C9orf40: variants seen among roughly 807,000 people sequenced by gnomAD.
The protein encoded by C9orf40 is uncharacterized protein C9orf40.
A neutral mutation model predicts 7.9 loss-of-function variants in C9orf40; 2 were observed. The observed-to-expected ratio is 0.25, with a 90% CI of 0.10 to 0.80. C9orf40 has a LOEUF of 0.80. C9orf40 is among the 30% of genes least tolerant of loss of function. The probability of loss-of-function intolerance (pLI) is 0.68; values close to 1 mark genes in which losing one functional copy is unlikely to be tolerated. For synonymous variants in C9orf40, 113 were observed against 117.6 expected, an observed-to-expected ratio of 0.96 and a Z score of 0.25; for missense variants, 256 against 268.5, an observed-to-expected ratio of 0.95 and a Z score of 0.33.
chr9:74,951,588 G>T (rs942940022), intron 1 of C9orf40, among the ~76,000 whole-genome samples: 2 of 152,124 alleles, frequency 1.3e-5, no homozygotes, highest in Admixed American at 6.5e-5. Flanking sequence ...ACCACGCCCC[G>T]CCCCCAAATT....
At chr9:74,951,797 C>T (rs1331623899) in intron 1 of C9orf40, among the ~76,000 whole-genome samples, 1 of 152,214 alleles carries the variant, frequency 6.6e-6, no homozygotes, top group Non-Finnish European at 1.5e-5. Flanking sequence ...CATCGTTAAA[C>T]CCAGGAAGGC....
chr9:74,949,675 C>T (rs1832276965), intron 1 of C9orf40, among the ~76,000 whole-genome samples: 2 of 152,180 alleles, frequency 1.3e-5, no homozygotes, highest in African/African-American at 4.8e-5. Context: ...CAGGCATTTA[C>T]TGTATTGAAC....
chr9:74,952,579 C>T lies in C9orf40; in HGVS notation c.33G>A (p.Thr11=). 6.3e-7 allele frequency: 1 copy of T among 1,582,340 alleles called. No homozygotes were observed. The highest frequency in any genetic ancestry group is 8.5e-7 in the Non-Finnish European group (1 of 1,173,902). Reference sequence around the variant, plus strand: ...GGAGCCGCTTCCAAGGCACGTGGAACGTCACCGGCTCGGCCGCACGCCGCT... The same window carrying T: ...GGAGCCGCTTCCAAGGCACGTGGAATGTCACCGGCTCGGCCGCACGCCGCT... The part of the protein sequence containing the change: MAKRRAAEPV[T]FHVPWKRLLL... The change falls in exon 1 of 2, where the codon ACG becomes ACA. Residue 11 remains threonine, a synonymous_variant. Coordinates refer to ENST00000376854, the MANE Select transcript of C9orf40 (RefSeq NM_017998.3). The surrounding 1 kb of genome is among the most constrained non-coding windows in gnomAD (Gnocchi z 5.4).
chr9:74,948,530 T>C (rs555968795), intron 1 of C9orf40, among the ~76,000 whole-genome samples: 1 of 152,270 alleles, frequency 6.6e-6, no homozygotes, highest in Admixed American at 6.5e-5. Context: ...TTTTTTATCT[T>C]TCAAGAAGGA....
chr9:74,952,733 G>A lies in C9orf40; in HGVS notation c.-122C>T, dbSNP rs1454756895. ...ACAGGCCGAAGTCGGGCGAGGAGGC[G>A]ACAGGACGCTGGAGGGGGTAGGGCG... On this transcript the variant is annotated 5_prime_UTR_variant, in exon 1 of 2. Coordinates refer to ENST00000376854, the MANE Select transcript of C9orf40 (RefSeq NM_017998.3). This position sits in a 1 kb window ranked among gnomAD's most constrained non-coding sequence, Gnocchi z 5.4. The A allele has an allele frequency of 7.7e-6, 7 of 913,398 alleles. No homozygotes were observed. In the African/African-American group the frequency reaches 1.0e-4, roughly 14 times the overall value. 56.6% of individuals were successfully genotyped at this position (913,398 alleles called of 1,614,324 possible). A position where few individuals can be genotyped will look rare whatever the true frequency, so the allele number is the denominator to read the frequency against.
intron 1 of C9orf40, among the ~76,000 whole-genome samples, chr9:74,951,111 C>T (rs1449671803): frequency 2.0e-5 from 3 of 152,084 alleles, no homozygotes; most frequent in Admixed American, 1.3e-4. Flanking sequence ...GGACTAGTCA[C>T]GTTTCAAGTG....
At chr9:74,948,381 CGAT>C (rs1258994208) in intron 1 of C9orf40, among the ~76,000 whole-genome samples, 175 bp from the exon 2 acceptor site, 1 of 152,010 alleles carries the variant, frequency 6.6e-6, no homozygotes, top group Non-Finnish European at 1.5e-5. Context: ...TTCATGTACT[CGAT>C]GAAATCTGTG....
intron 1 of C9orf40, among the ~76,000 whole-genome samples, chr9:74,949,800 A>C (rs764781907): frequency 6.6e-6 from 1 of 152,100 alleles, no homozygotes; most frequent in Non-Finnish European, 1.5e-5. Context: ...TGGAGAGAGC[A>C]TGATTGTAAA....
rs1832306864 is a variant in C9orf40, at chr9:74,952,102, C to A, written c.426+84G>T. 4.0e-6 allele frequency: 2 copies of A among 504,966 alleles called. No individual in the cohort carries two copies. The highest frequency in any genetic ancestry group is 3.9e-5 in the Admixed American group (1 of 25,546). The allele number at this position is 504,966 out of a possible 1,614,324, so 31.3% of individuals were successfully genotyped here. A position where few individuals can be genotyped will look rare whatever the true frequency, so the allele number is the denominator to read the frequency against. On this transcript the variant is annotated intron_variant, in intron 1 of 1. Transcript: ENST00000376854. The surrounding 1 kb of genome is among the most constrained non-coding windows in gnomAD (Gnocchi z 5.4). Reference sequence around the variant, plus strand: ...CTCAGGCGTCTTAACCTACACAAGTCATGAGTGGGAACCGGGGCGTTTTGT... The same window carrying A: ...CTCAGGCGTCTTAACCTACACAAGTAATGAGTGGGAACCGGGGCGTTTTGT...
At chr9:74,951,851 G>A (rs1369763250) in intron 1 of C9orf40, among the ~76,000 whole-genome samples, 1 of 152,204 alleles carries the variant, frequency 6.6e-6, no homozygotes, top group Middle Eastern at 3.2e-3. Flanking sequence ...CTGAACCTAT[G>A]CCCTGACGGT....
chr9:74,948,225 G>A lies in C9orf40; in HGVS notation c.427-19C>T. On this transcript the variant is annotated intron_variant, in intron 1 of 1. Coordinates refer to ENST00000376854, the MANE Select transcript of C9orf40 (RefSeq NM_017998.3). ...CATTGTGCTTTAGAGAAAAAAGAGA[G>A]ATCAAAGAGCATCAATAGCTTAGAA... 4 of 1,565,882 alleles carry A rather than the reference G, an allele frequency of 2.6e-6. No homozygotes were observed. The highest frequency in any genetic ancestry group is 3.5e-6 in the Non-Finnish European group (4 of 1,153,518).
At position 74,952,128 on chromosome 9, in the gene C9orf40, G is replaced by T; in HGVS notation, c.426+58C>A. On this transcript the variant is annotated intron_variant, in intron 1 of 1. Transcript: ENST00000376854. This position sits in a 1 kb window ranked among gnomAD's most constrained non-coding sequence, Gnocchi z 5.4. ...ATGAGTGGGAACCGGGGCGTTTTGT[G>T]TGTGTGGGGAAAAGGCAAGCCCCTT... The T allele has an allele frequency of 3.3e-6, 2 of 598,472 alleles. No homozygotes were observed. Among genetic ancestry groups the T allele is most frequent in the Non-Finnish European group, 4.9e-6 (2 of 406,484 alleles). 37.1% of individuals were successfully genotyped at this position (598,472 alleles called of 1,614,324 possible).
chr9:74,949,542 TA>T (rs1477953644), intron 1 of C9orf40, among the ~76,000 whole-genome samples: 1 of 152,206 alleles, frequency 6.6e-6, no homozygotes, highest in Non-Finnish European at 1.5e-5. Context: ...AGAAATGACG[TA>T]ACATTATCCT....
At chr9:74,949,145 T>TA (rs1213032161) in intron 1 of C9orf40, among the ~76,000 whole-genome samples, 3 of 152,244 alleles carry the variant, frequency 2.0e-5, no homozygotes, top group Non-Finnish European at 2.9e-5. Flanking sequence ...CTTGGCATAG[T>TA]AATTGCTCAA....
intron 1 of C9orf40, among the ~76,000 whole-genome samples, chr9:74,948,989 C>G (rs1384255667): frequency 6.6e-6 from 1 of 152,130 alleles, no homozygotes; most frequent in Non-Finnish European, 1.5e-5. Context: ...AAAAAAAGGT[C>G]TTTTAATTAT....
At chr9:74,950,745 G>T (rs939859736) in intron 1 of C9orf40, among the ~76,000 whole-genome samples, 1 of 152,098 alleles carries the variant, frequency 6.6e-6, no homozygotes, top group African/African-American at 2.4e-5. Context: ...ATAGAAAAAC[G>T]TTGGGAGGAT....
Position 74,952,653 on chromosome 9 carries a change from C to T in C9orf40, c.-42G>A. On this transcript the variant is annotated 5_prime_UTR_variant, in exon 1 of 2. Coordinates refer to ENST00000376854, the MANE Select transcript of C9orf40 (RefSeq NM_017998.3). This position sits in a 1 kb window ranked among gnomAD's most constrained non-coding sequence, Gnocchi z 5.4. Reference sequence around the variant, plus strand: ...GCGGAGCCCGCCAGGCGCGGGAGACCGAGTGCCGATAGCTGCGGGGGGCGA... The same window carrying T: ...GCGGAGCCCGCCAGGCGCGGGAGACTGAGTGCCGATAGCTGCGGGGGGCGA... The T allele has an allele frequency of 6.7e-7, 1 of 1,498,242 alleles. No individual in the cohort carries two copies. The highest frequency in any genetic ancestry group is 8.9e-7 in the Non-Finnish European group (1 of 1,127,186). 92.8% of individuals were successfully genotyped at this position (1,498,242 alleles called of 1,614,324 possible). A position where few individuals can be genotyped will look rare whatever the true frequency, so the allele number is the denominator to read the frequency against.
At position 74,946,663 on chromosome 9, in the gene C9orf40, A is replaced by G. The variant is rs1832243882; in HGVS notation, c.*1385T>C. ...GAGATGAAAAATAACTGGCTTAAAG[A>G]TACATAGGTAGGAAGTGGCAGTACA... On this transcript the variant is annotated 3_prime_UTR_variant, in exon 2 of 2. Coordinates refer to ENST00000376854, the MANE Select transcript of C9orf40 (RefSeq NM_017998.3). 6.6e-6 allele frequency: 1 copy of G among 152,148 alleles called. No homozygotes were observed. The highest frequency in any genetic ancestry group is 2.4e-5 in the African/African-American group (1 of 41,444). The allele number at this position is 152,148 out of a possible 1,614,324, so 9.4% of individuals were successfully genotyped here.
chr9:74,952,632 A>G lies in C9orf40; in HGVS notation c.-21T>C. The G allele has an allele frequency of 6.5e-7, 1 of 1,528,432 alleles. No individual in the cohort carries two copies. The highest frequency in any genetic ancestry group is 1.2e-5 in the South Asian group (1 of 83,080). 94.7% of individuals were successfully genotyped at this position (1,528,432 alleles called of 1,614,324 possible). ...GCCATGGGCCCAGAGGCTCGGGCGGAGCCCGCCAGGCGCGGGAGACCGAGT... is the reference window on the plus strand; with the variant it reads ...GCCATGGGCCCAGAGGCTCGGGCGGGGCCCGCCAGGCGCGGGAGACCGAGT... On this transcript the variant is annotated 5_prime_UTR_variant, in exon 1 of 2. Coordinates refer to ENST00000376854, the MANE Select transcript of C9orf40 (RefSeq NM_017998.3). This position sits in a 1 kb window ranked among gnomAD's most constrained non-coding sequence, Gnocchi z 5.4.
Sources: gnomAD v4.1 joint callset for allele counts (sites outside exome capture counted in the v4.1 genomes callset) on GRCh38, gnomAD v4.1.1 for gene constraint, Gnocchi (gnomAD v3.1) non-coding constraint, MANE v1.5 for transcripts, NCBI Gene and HGNC (gene_info 2026-07-23, HGNC 2026-07-21) for gene names.